RIF1: variants seen among roughly 807,000 people sequenced by gnomAD.
The protein encoded by RIF1 is replication timing regulatory factor 1, also known as telomere-associated protein RIF1.
A neutral mutation model predicts 247.1 loss-of-function variants in RIF1; 45 were observed. The observed-to-expected ratio is 0.18, with a 90% CI of 0.14 to 0.23. The LOEUF (loss-of-function observed/expected upper bound fraction) is 0.23, where lower values mean the gene tolerates loss of function less well. RIF1 is among the 10% of genes least tolerant of loss of function. The probability of loss-of-function intolerance (pLI) is 1.00; values close to 1 mark genes in which losing one functional copy is unlikely to be tolerated. For synonymous variants in RIF1, 1,087 were observed against 978.8 expected (o/e 1.11, Z -2.06); for missense variants, 2,967 against 2,862.5 (o/e 1.04, Z -0.83).
rs534254032 is a variant in RIF1 at position 151,462,776 on chromosome 2, A to G, written c.3364-108A>G. ...AGTTGCCATATATTGAATGTCAGTG[A>G]TTATCTTTGGGTTACCGAAGTTTTA... On this transcript the variant is annotated intron_variant, in intron 29 of 35. Transcript: ENST00000444746. 4.3e-5 allele frequency: 32 copies of G among 752,806 alleles called. No individual in the cohort carries two copies. The African/African-American group carries it at 5.5e-4, about 13-fold the overall frequency. The allele number at this position is 752,806 out of a possible 1,614,324, so 46.6% of individuals were successfully genotyped here. A position where few individuals can be genotyped will look rare whatever the true frequency, so the allele number is the denominator to read the frequency against.
At position 151,461,193 on chromosome 2, in the gene RIF1, A is replaced by G; in HGVS notation, c.3131A>G (p.Glu1044Gly). Residue 1044 changes from glutamate to glycine, a missense_variant, in exon 27 of 36, where the codon GAA becomes GGA. By Grantham distance (98) the Glu-to-Gly change is moderately conservative. Coordinates refer to ENST00000444746, the MANE Select transcript of RIF1 (RefSeq NM_018151.5). Reference protein sequence around the residue: ...KVKGEILLEEEKSTDFVFIPP... With the variant: ...KVKGEILLEEGKSTDFVFIPP... ...AAGGGTGAAATTCTTTTGGAAGAGG[A>G]AAAGTCTACTGACTTTGTGTTTATA... The G allele has an allele frequency of 6.2e-7, 1 of 1,612,744 alleles. No homozygotes were observed. Among genetic ancestry groups the G allele is most frequent in the East Asian group, 2.2e-5 (1 of 44,826 alleles).
chr2:151,432,332 T>C (rs1690320518), intron 9 of RIF1, among the ~76,000 whole-genome samples: 1 of 152,146 alleles, frequency 6.6e-6, no homozygotes, highest in Admixed American at 6.6e-5. Flanking sequence ...TTTTGACAAG[T>C]TATTTTAGCA....
In RIF1 at chr2:151,501,383, C is replaced by T. The variant is rs1361035933; in HGVS notation, c.*710-1651C>T. 3.3e-6 allele frequency: 5 copies of T among 1,531,378 alleles called. No homozygotes were observed. The East Asian group carries it at 1.2e-4, about 38-fold the overall frequency. 94.9% of individuals were successfully genotyped at this position (1,531,378 alleles called of 1,614,324 possible). On this transcript the variant is annotated intron_variant and NMD_transcript_variant, in intron 11 of 13. Coordinates refer to the RIF1 transcript ENST00000454583. ...TAATATGGAGTTAAAGAGCTTTCTC[C>T]CAAATACCGAGCTAAAGTTTTCTTG...
At chr2:151,415,563 CAAAAAAAAAAAAAA>C (rs3040729) in intron 4 of RIF1, among the ~76,000 whole-genome samples, 2 of 44,874 alleles carry the variant, frequency 4.5e-5, no homozygotes, top group African/African-American at 2.0e-4. Context: ...GACTCTGTCT[CAAAAAAAAAAAAAA>C]AAAAAAAAGG....
At position 151,414,897 on chromosome 2, in the gene RIF1, C is replaced by T; in HGVS notation, c.258C>T (p.Pro86=). The T allele has an allele frequency of 1.2e-6, 2 of 1,608,750 alleles. No individual in the cohort carries two copies. Among genetic ancestry groups the T allele is most frequent in the Non-Finnish European group, 8.5e-7 (1 of 1,175,674 alleles). The change falls in exon 4 of 36, where the codon CCC becomes CCT. Residue 86 remains proline (P), a synonymous_variant. Transcript: ENST00000444746. ...CCCTGGGGTTTTGCTTATATAATCC[C>T]AAAATTACCTCAGAATTATCAGGTA... ...LQALGFCLYN[P]KITSELSEAN...
chr2:151,416,857 G>A lies in RIF1; in HGVS notation c.459G>A (p.Thr153=), dbSNP rs149505451. 1.5e-4 allele frequency: 238 copies of A among 1,612,496 alleles called. 2 individuals carry two copies. Among genetic ancestry groups the A allele is most frequent in the Middle Eastern group, 1.2e-3 (7 of 6,072 alleles). ...SLEILFNKGE[T]HSAVVDFEAL... Reference sequence around the variant, plus strand: ...AAATACTGTTTAACAAAGGAGAGACGCATTCTGCTGTTGTTGATTTTGAAG... The same window carrying A: ...AAATACTGTTTAACAAAGGAGAGACACATTCTGCTGTTGTTGATTTTGAAG... The change falls in exon 6 of 36, where the codon ACG becomes ACA. Residue 153 remains threonine, a synonymous_variant. Transcript: ENST00000444746.
chr2:151,504,440 A>G (rs1354208930), intron 12 of RIF1, among the ~76,000 whole-genome samples: 1 of 152,254 alleles, frequency 6.6e-6, no homozygotes, highest in Non-Finnish European at 1.5e-5. Context: ...AGCCTAGGCT[A>G]GCTTTCTCAA....
At chr2:151,430,167 C>T (rs1041849558) in intron 9 of RIF1, among the ~76,000 whole-genome samples, 1 of 151,668 alleles carries the variant, frequency 6.6e-6, no homozygotes, top group Non-Finnish European at 1.5e-5. Context: ...ATTACAGGTG[C>T]TCGTCACCAC....
At position 151,476,924 on chromosome 2, in the gene RIF1, C is replaced by T. The variant is rs981868580; in HGVS notation, c.*1853C>T. ...ATCAGTTCGTTTCATGACTCTGTGC[C>T]TTAACGTTTGTGTGAACTAAACTTG... On this transcript the variant is annotated 3_prime_UTR_variant, in exon 36 of 36. Transcript: ENST00000444746. 1 of 152,092 alleles carries T rather than the reference C, an allele frequency of 6.6e-6. No individual in the cohort carries two copies. Among genetic ancestry groups the T allele is most frequent in the African/African-American group, 2.4e-5 (1 of 41,430 alleles). The allele number at this position is 152,092 out of a possible 1,614,324, so 9.4% of individuals were successfully genotyped here.
At chr2:151,462,702 T>G (rs910332959) in intron 29 of RIF1, among the ~76,000 whole-genome samples, 182 bp from the exon 30 acceptor site, 14 of 152,116 alleles carry the variant, frequency 9.2e-5, no homozygotes, top group African/African-American at 3.4e-4. Flanking sequence ...TCTTGAATAT[T>G]TACAATTAGG....
At chr2:151,438,768 A>T (rs1310754699) in intron 14 of RIF1, 22 bp downstream of exon 14, 1 of 1,539,594 alleles carries the variant, frequency 6.5e-7, no homozygotes, top group Non-Finnish European at 9.0e-7. Flanking sequence ...TACACTGATC[A>T]AATGTTGTTT....
At position 151,501,344 on chromosome 2, in the gene RIF1, A is replaced by AAATT. The variant is rs1483289734; in HGVS notation, c.*710-1688_*710-1685dup. On this transcript the variant is annotated intron_variant and NMD_transcript_variant, in intron 11 of 13. Transcript: ENST00000454583. Reference sequence around the variant, plus strand: ...AACAGTGAGATGTTCTGTTTTGTAGAAATTATTATTTTTTAATATGGAGTT... The same window carrying AAATT: ...AACAGTGAGATGTTCTGTTTTGTAGAAATTAATTATTATTTTTTAATATGGAGTT... The AAATT allele has an allele frequency of 3.2e-6, 4 of 1,269,688 alleles. No individual in the cohort carries two copies. The South Asian group carries it at 5.2e-5, about 17-fold the overall frequency. The allele number at this position is 1,269,688 out of a possible 1,614,324, so 78.7% of individuals were successfully genotyped here.
chr2:151,474,265 A>C (rs1024214256), intron 35 of RIF1, among the ~76,000 whole-genome samples, 193 bp downstream of exon 35: 2 of 152,204 alleles, frequency 1.3e-5, no homozygotes. Context: ...CTTCTCCATC[A>C]AGGTCTCAAG....
intron 11 of RIF1, among the ~76,000 whole-genome samples, chr2:151,436,269 A>G (rs1691183250): frequency 1.3e-5 from 2 of 152,054 alleles, no homozygotes; most frequent in African/African-American, 2.4e-5. Flanking sequence ...AGCCAGGTGC[A>G]GTGGCAGGCA....
chr2:151,508,089 A>G (rs775312412), downstream of RIF1: 2 of 1,606,262 alleles, frequency 1.2e-6, no homozygotes, highest in Non-Finnish European at 1.7e-6. Flanking sequence ...TGGACTTCTC[A>G]GCATCTTCCT....
intron 20 of RIF1, among the ~76,000 whole-genome samples, chr2:151,448,357 C>T (rs567586639): frequency 6.6e-6 from 1 of 152,098 alleles, no homozygotes; most frequent in Non-Finnish European, 1.5e-5. Flanking sequence ...AATGACAGTT[C>T]TTATTGTAAA....
intron 6 of RIF1, among the ~76,000 whole-genome samples, chr2:151,419,599 C>G (rs555227822): frequency 6.6e-6 from 1 of 152,150 alleles, no homozygotes; most frequent in Non-Finnish European, 1.5e-5. Flanking sequence ...GCTGAGATTA[C>G]AGGTGTGAGC....
chr2:151,486,480 C>T (rs1381209403), downstream of RIF1: 1 of 153,424 alleles, frequency 6.5e-6, no homozygotes, highest in African/African-American at 2.4e-5. Context: ...CCCTATGGCC[C>T]AGCAAATTCC....
intron 2 of RIF1, 77 bp downstream of exon 2, chr2:151,410,604 GT>G: frequency 8.5e-7 from 1 of 1,175,924 alleles, no homozygotes; most frequent in Admixed American, 2.0e-5. Context: ...GGAGGGGCGC[GT>G]AGAATGAATG....
Sources: allele counts gnomAD v4.1 joint callset (sites outside exome capture counted in the v4.1 genomes callset), GRCh38; gene constraint gnomAD v4.1.1; transcripts MANE v1.5; gene names NCBI Gene and HGNC (gene_info 2026-07-23, HGNC 2026-07-21).